ARL6IP5: variants seen among roughly 807,000 people sequenced by gnomAD.
ARL6IP5 encodes ARF like GTPase 6 interacting protein 5.
In ARL6IP5, 6 loss-of-function variants were observed where a neutral mutation model predicts 13.0. That is an observed-to-expected ratio of 0.46 (90% CI 0.25 to 0.91). ARL6IP5 has a LOEUF of 0.91. Among genes scored for constraint, ARL6IP5 ranks in the 40% least tolerant of loss-of-function variants. The probability of loss-of-function intolerance (pLI) is 0.17; values close to 1 mark genes in which losing one functional copy is unlikely to be tolerated. For synonymous variants in ARL6IP5, 91 were observed against 91.9 expected (o/e 0.99, Z 0.06); for missense variants, 208 against 248.8 (o/e 0.84, Z 1.10).
At chr3:69,090,581 G>C (rs937901035) in intron 1 of ARL6IP5, among the ~76,000 whole-genome samples, 1 of 152,180 alleles carries the variant, frequency 6.6e-6, no homozygotes, top group African/African-American at 2.4e-5. Context: ...CTCAGGTGTT[G>C]GGAATAGGGG....
At chr3:69,089,809 T>C (rs1490716825) in intron 1 of ARL6IP5, 2 of 456,686 alleles carry the variant, frequency 4.4e-6, no homozygotes, top group Non-Finnish European at 8.8e-6. Context: ...CCTCCCCCTT[T>C]AGATAGAACC....
At chr3:69,102,557 G>A (rs1414195703) in intron 2 of ARL6IP5, among the ~76,000 whole-genome samples, 1 of 152,186 alleles carries the variant, frequency 6.6e-6, no homozygotes, top group African/African-American at 2.4e-5. Context: ...ACTTCGCCCA[G>A]CTGTGTGCCA....
At chr3:69,097,606 C>T (rs190200417) in intron 1 of ARL6IP5, among the ~76,000 whole-genome samples, 2 of 152,258 alleles carry the variant, frequency 1.3e-5, no homozygotes, top group Admixed American at 1.3e-4. Flanking sequence ...TTCTTTCCTT[C>T]CTCAGGCGTA....
chr3:69,097,146 C>T (rs1305447923), intron 1 of ARL6IP5, among the ~76,000 whole-genome samples: 2 of 151,834 alleles, frequency 1.3e-5, no homozygotes, highest in African/African-American at 2.4e-5. Flanking sequence ...TATAATTTTT[C>T]AGTTTCTCTA....
chr3:69,095,084 T>C (rs149037928), intron 1 of ARL6IP5, among the ~76,000 whole-genome samples: 5 of 152,308 alleles, frequency 3.3e-5, no homozygotes, highest in African/African-American at 1.2e-4. Flanking sequence ...TTAAAGCCGG[T>C]TAACATGACA....
chr3:69,089,710 A>G (rs530867401), intron 1 of ARL6IP5: 10 of 439,514 alleles, frequency 2.3e-5, no homozygotes, highest in African/African-American at 1.6e-4. Context: ...AGAATCACCA[A>G]CCACACACAG....
At chr3:69,100,314 G>C (rs187012781) in intron 1 of ARL6IP5, among the ~76,000 whole-genome samples, 1 of 152,340 alleles carries the variant, frequency 6.6e-6, no homozygotes. Flanking sequence ...ATATAAGAAT[G>C]AATCTGGAAC....
In ARL6IP5 at chr3:69,105,816, T is replaced by C. The variant is rs908297745; in HGVS notation, c.*1180T>C. 10 of 152,220 alleles carry C rather than the reference T, an allele frequency of 6.6e-5. No individual in the cohort carries two copies. Among genetic ancestry groups the C allele is most frequent in the African/African-American group, 2.4e-4 (10 of 41,468 alleles). 9.4% of individuals were successfully genotyped at this position (152,220 alleles called of 1,614,324 possible). A position where few individuals can be genotyped will look rare whatever the true frequency, so the allele number is the denominator to read the frequency against. On this transcript the variant is annotated 3_prime_UTR_variant, in exon 3 of 3. Coordinates refer to ENST00000273258, the MANE Select transcript of ARL6IP5 (RefSeq NM_006407.4). ...CCTGCCAATTGAATGATTTCGTAGC[T>C]GAAGTAGAAACATTTAGGTTTCTGT...
At chr3:69,100,546 G>A (rs576333844) in intron 1 of ARL6IP5, among the ~76,000 whole-genome samples, 23 of 152,124 alleles carry the variant, frequency 1.5e-4, no homozygotes, top group African/African-American at 5.1e-4. Context: ...TTGGGAGGCC[G>A]AGCTGGGCAG....
Position 69,085,018 on chromosome 3 carries a change from T to G in ARL6IP5, c.-30T>G. 2.5e-6 allele frequency: 4 copies of G among 1,604,128 alleles called. No individual in the cohort carries two copies. The highest frequency in any genetic ancestry group is 2.6e-6 in the Non-Finnish European group (3 of 1,174,710). On this transcript the variant is annotated 5_prime_UTR_variant, in exon 1 of 3. The change creates a new upstream start codon in the 5' untranslated region. Transcript: ENST00000273258. ...GTTGCCGCCGCCGCCGCCGCCAGAT[T>G]CTGGAGGCGAAGAACGCAAAGCTGA...
intron 1 of ARL6IP5, among the ~76,000 whole-genome samples, chr3:69,087,150 G>A (rs1368821149): frequency 2.0e-5 from 3 of 152,134 alleles, no homozygotes; most frequent in Admixed American, 2.0e-4. Context: ...TCTCCCAAGT[G>A]ACTGGGACCC....
At chr3:69,089,844 C>T (rs1364917172) in intron 1 of ARL6IP5, 1 of 456,588 alleles carries the variant, frequency 2.2e-6, no homozygotes, top group Non-Finnish European at 4.4e-6. Context: ...GGAATGAGCC[C>T]ATGATTTCTC....
In ARL6IP5 at chr3:69,105,142, C is replaced by T. The variant is rs1575866695; in HGVS notation, c.*506C>T. On this transcript the variant is annotated 3_prime_UTR_variant, in exon 3 of 3. Coordinates refer to ENST00000273258, the MANE Select transcript of ARL6IP5 (RefSeq NM_006407.4). ...TCAAAGATGATCTCTATCACTTTGC[C>T]ACCTGTTTGATGTGCAGTGGAAACT... The T allele has an allele frequency of 2.9e-5, 12 of 410,762 alleles. No homozygotes were observed. The East Asian group carries it at 5.2e-4, about 18-fold the overall frequency. 25.4% of individuals were successfully genotyped at this position (410,762 alleles called of 1,614,324 possible). A position where few individuals can be genotyped will look rare whatever the true frequency, so the allele number is the denominator to read the frequency against.
chr3:69,091,707 G>A (rs192012858), intron 1 of ARL6IP5, among the ~76,000 whole-genome samples: 19 of 140,096 alleles, frequency 1.4e-4, no homozygotes, highest in Admixed American at 1.3e-3. Context: ...CCTTTGGTTG[G>A]TAGTTTCTGT....
intron 1 of ARL6IP5, among the ~76,000 whole-genome samples, chr3:69,099,781 C>T (rs759259750): frequency 2.0e-5 from 3 of 152,114 alleles, no homozygotes; most frequent in Non-Finnish European, 4.4e-5. Flanking sequence ...TGTGTCCTTC[C>T]CAAGTAAAGT....
intron 2 of ARL6IP5, among the ~76,000 whole-genome samples, chr3:69,103,839 C>T (rs974948861): frequency 1.3e-5 from 2 of 152,048 alleles, no homozygotes; most frequent in Non-Finnish European, 2.9e-5. Context: ...GATTCCCAGG[C>T]CTGTCTCTTT....
intron 1 of ARL6IP5, chr3:69,090,044 C>T (rs2092260138): frequency 1.4e-5 from 5 of 348,542 alleles, no homozygotes; most frequent in Non-Finnish European, 2.3e-5. Flanking sequence ...GGCTTGGTGG[C>T]TCTGTAATAT....
rs113037876 is a variant in ARL6IP5 at position 69,102,489 on chromosome 3, A to G, written c.394+433A>G. Among the ~76,000 whole-genome samples, 874 of 152,228 alleles carry G rather than the reference A, an allele frequency of 5.7e-3. 10 individuals are homozygous for G. Among genetic ancestry groups the G allele is most frequent in the African/African-American group, 0.02 (821 of 41,552 alleles). ...TGCCCAGGCTGATCTCGGACTCCCAAGCTTGAGTGATCTAGCTTCCTTGGA... is the reference window on the plus strand; with the variant it reads ...TGCCCAGGCTGATCTCGGACTCCCAGGCTTGAGTGATCTAGCTTCCTTGGA... On this transcript the variant is annotated intron_variant, in intron 2 of 2. Transcript: ENST00000273258.
At chr3:69,104,330 C>T (rs3772980) in intron 2 of ARL6IP5, 134 bp from the exon 3 acceptor site, 37,902 of 846,322 alleles carry the variant, frequency 0.045, 3,646 homozygotes, top group East Asian at 0.34. Context: ...TGAAAGCTTG[C>T]ATCAATTCGA....
Sources: allele counts gnomAD v4.1 joint callset (sites outside exome capture counted in the v4.1 genomes callset), GRCh38; gene constraint gnomAD v4.1.1; transcripts MANE v1.5; gene names NCBI Gene and HGNC (gene_info 2026-07-23, HGNC 2026-07-21).